The following SYNPO2 variants were observed in gnomAD, a reference collection of about 807,000 sequenced individuals.
SYNPO2 encodes synaptopodin 2, also known as synaptopodin-2.
A neutral mutation model predicts 85.0 loss-of-function variants in SYNPO2; 56 were observed. That is an observed-to-expected ratio of 0.66 (90% CI 0.53 to 0.82). The LOEUF is 0.82. Ranked by LOEUF, SYNPO2 falls within the 40% of genes least tolerant of loss-of-function variation. The probability of loss-of-function intolerance (pLI) is 0.00; values close to 1 mark genes in which losing one functional copy is unlikely to be tolerated. For synonymous variants in SYNPO2, 602 were observed against 591.1 expected (o/e 1.02, Z -0.27); for missense variants, 1,575 against 1,534.2 (o/e 1.03, Z -0.44).
chr4:118,949,305 G>A (rs1372133819), intron 1 of SYNPO2, among the ~76,000 whole-genome samples: 1 of 152,114 alleles, frequency 6.6e-6, no homozygotes, highest in Non-Finnish European at 1.5e-5. Flanking sequence ...GACTCCCTAG[G>A]AAGTAATAAT....
chr4:118,891,193 A>G (rs1459645085), intron 1 of SYNPO2, among the ~76,000 whole-genome samples: 1 of 152,174 alleles, frequency 6.6e-6, no homozygotes, highest in Admixed American at 6.5e-5. Flanking sequence ...ACCCAGCAAT[A>G]CATTTGTGGT....
Position 118,854,973 on chromosome 4 carries a change from A to G in SYNPO2, c.12+4033A>G, listed in dbSNP as rs940865497. 2.0e-5 allele frequency among the ~76,000 whole-genome samples: 3 copies of G among 152,258 alleles called. No homozygotes were observed. The East Asian group carries it at 5.8e-4, about 29-fold the overall frequency. On this transcript the variant is annotated intron_variant, in intron 1 of 4. Coordinates refer to the SYNPO2 transcript ENST00000610556. ...TTTTGTAAATGGAGCTAAGTGTTAT[A>G]TGATAATATCAAACTCACTTGCAAG...
chr4:118,965,720 G>A (rs192552866), intron 1 of SYNPO2, among the ~76,000 whole-genome samples: 273 of 152,234 alleles, frequency 1.8e-3, no homozygotes, highest in African/African-American at 6.2e-3. Flanking sequence ...AAATAAAACC[G>A]TGTACAAGAT....
intron 4 of SYNPO2, among the ~76,000 whole-genome samples, chr4:119,044,906 G>A (rs1432013979): frequency 6.6e-6 from 1 of 152,166 alleles, no homozygotes; most frequent in African/African-American, 2.4e-5. Context: ...TAGTTGCTGT[G>A]TCTTCGTCAT....
chr4:118,990,602 G>T (rs1034077401), intron 1 of SYNPO2, among the ~76,000 whole-genome samples: 3 of 150,076 alleles, frequency 2.0e-5, no homozygotes, highest in Non-Finnish European at 4.4e-5. Flanking sequence ...CTGGATAATT[G>T]GTTTTTGTTT....
chr4:118,947,588 C>T (rs1405244634), intron 1 of SYNPO2, among the ~76,000 whole-genome samples: 2 of 152,174 alleles, frequency 1.3e-5, no homozygotes, highest in East Asian at 1.9e-4. Context: ...CTCTCCCTGT[C>T]GGGGCAGAAT....
rs4833600 is a variant in SYNPO2, at chr4:119,022,707, A to G, written c.106-723A>G. ...TTTTAATTGTATTTTATTTTATTTTATATTTTATTTTATTTTAATTTTATT... is the reference window on the plus strand; with the variant it reads ...TTTTAATTGTATTTTATTTTATTTTGTATTTTATTTTATTTTAATTTTATT... On this transcript the variant is annotated intron_variant, in intron 1 of 4. Transcript: ENST00000307142. 2.9e-5 allele frequency among the ~76,000 whole-genome samples: 3 copies of G among 103,100 alleles called. No individual in the cohort carries two copies. In the Admixed American group the frequency reaches 3.1e-4, roughly 11 times the overall value. 67.6% of individuals were successfully genotyped at this position (103,100 alleles called of 152,430 possible). A position where few individuals can be genotyped will look rare whatever the true frequency, so the allele number is the denominator to read the frequency against.
rs188358245 is a variant in SYNPO2 at position 118,905,148 on chromosome 4, C to T, written c.105+16007C>T. ...AGGTTACTGTGGGTCCCTTCAGCTG[C>T]GGACACAGGACTGAGAGTAGACACA... On this transcript the variant is annotated intron_variant, in intron 1 of 4. Coordinates refer to ENST00000307142, the MANE Select transcript of SYNPO2 (RefSeq NM_133477.3). Among the ~76,000 whole-genome samples, 337 of 152,258 alleles carry T rather than the reference C, an allele frequency of 2.2e-3. 7 individuals are homozygous for T. Among genetic ancestry groups the T allele is most frequent in the East Asian group, 8.5e-3 (44 of 5,186 alleles).
rs533866425 is a variant in SYNPO2, at chr4:119,031,682, G to T, written c.2907G>T (p.Pro969=). 6.2e-7 allele frequency: 1 copy of T among 1,614,162 alleles called. No homozygotes were observed. The highest frequency in any genetic ancestry group is 8.5e-7 in the Non-Finnish European group (1 of 1,180,020). ...CATTAGATGTCATGAAGCACCAACCGTATCAGCTCAATGCATCCTTGTTTA... is the reference window on the plus strand; with the variant it reads ...CATTAGATGTCATGAAGCACCAACCTTATCAGCTCAATGCATCCTTGTTTA... ...LNALDVMKHQ[P]YQLNASLFTF... Residue 969 remains proline (P), a synonymous_variant, in exon 4 of 5, where the codon CCG becomes CCT. Transcript: ENST00000307142.
At chr4:118,909,699 G>A (rs1733068161) in intron 1 of SYNPO2, among the ~76,000 whole-genome samples, 1 of 152,188 alleles carries the variant, frequency 6.6e-6, no homozygotes, top group African/African-American at 2.4e-5. Flanking sequence ...TGTGCATGGA[G>A]GAGCAGAGGG....
chr4:118,884,465 AT>A (rs1732164815), upstream of SYNPO2, among the ~76,000 whole-genome samples: 1 of 152,186 alleles, frequency 6.6e-6, no homozygotes, highest in Non-Finnish European at 1.5e-5. Context: ...AATCTCCTTG[AT>A]TTTGGCTCAG....
chr4:119,023,362 C>A, intron 1 of SYNPO2, 68 bp from the exon 2 acceptor site: 1 of 1,485,466 alleles, frequency 6.7e-7, no homozygotes, highest in Non-Finnish European at 9.0e-7. Context: ...ATTTGTTTCT[C>A]AGAGATGGTG....
At position 119,029,984 on chromosome 4, in the gene SYNPO2, G is replaced by T. The variant is rs142986809; in HGVS notation, c.1209G>T (p.Arg403Ser). The change falls in exon 4 of 5, where the codon AGG becomes AGT. Residue 403 changes from arginine (R) to serine (S), a missense_variant. Physicochemically the swap from Arg to Ser is moderately radical, Grantham distance 110 (BLOSUM62 -1). Around this residue, in one of 3 missense-constraint regions of SYNPO2, gnomAD observed 1,508 missense variants for 1,446.8 expected, o/e 1.04. Coordinates refer to ENST00000307142, the MANE Select transcript of SYNPO2 (RefSeq NM_133477.3). ...GVLMFKKRRR[R>S]ARKYTLVSYG... ...TGATGTTTAAGAAGCGACGTCGGAG[G>T]GCCAGGAAATACACCCTAGTTAGCT... 1 of 1,614,012 alleles carries T rather than the reference G, an allele frequency of 6.2e-7. No individual in the cohort carries two copies. The highest frequency in any genetic ancestry group is 8.5e-7 in the Non-Finnish European group (1 of 1,180,010).
chr4:119,023,451 T>C lies in SYNPO2; in HGVS notation c.127T>C (p.Ser43Pro). ...TCAGATTCGAAATCAGAGCAAAGCC[T>C]CTGGGTCTGGGCTCTGTGAGGGAGA... The part of the protein sequence containing the change: ...VAKIRNQSKA[S>P]GSGLCEGDEV... The change falls in exon 2 of 5, where the codon TCT (serine) becomes CCT (proline). Residue 43 changes from serine (S) to proline (P), a missense_variant. By Grantham distance (74) the Ser-to-Pro change is moderately conservative (BLOSUM62 -1). This residue lies in a region of SYNPO2 where 55 missense variants were observed against 55.5 expected (regional missense o/e 0.99). Transcript: ENST00000307142. The C allele has an allele frequency of 1.2e-6, 2 of 1,612,744 alleles. No homozygotes were observed. Among genetic ancestry groups the C allele is most frequent in the Middle Eastern group, 1.7e-4 (1 of 6,058 alleles).
chr4:118,879,138 C>G (rs1013699074), intron 1 of SYNPO2, among the ~76,000 whole-genome samples: 1 of 152,190 alleles, frequency 6.6e-6, no homozygotes, highest in African/African-American at 2.4e-5. Context: ...AAGGAAGAAA[C>G]TCCCGACACA....
intron 1 of SYNPO2, among the ~76,000 whole-genome samples, chr4:118,966,620 A>T (rs1277395511): frequency 5.9e-5 from 9 of 152,142 alleles, no homozygotes. Flanking sequence ...TAAAAATTTA[A>T]ATTATATAGC....
chr4:119,023,189 C>CT (rs1227907292), intron 1 of SYNPO2, among the ~76,000 whole-genome samples: 1 of 152,048 alleles, frequency 6.6e-6, no homozygotes, highest in Non-Finnish European at 1.5e-5. Flanking sequence ...TATTTACTTT[C>CT]TTTTTTCCTG....
In SYNPO2 at chr4:118,896,146, G is replaced by A. The variant is rs1226074999; in HGVS notation, c.105+7005G>A. Among the ~76,000 whole-genome samples the A allele has an allele frequency of 8.5e-5, 13 of 152,190 alleles. No homozygotes were observed. In the South Asian group the frequency reaches 1.0e-3, roughly 12 times the overall value. On this transcript the variant is annotated intron_variant, in intron 1 of 4. Coordinates refer to ENST00000307142, the MANE Select transcript of SYNPO2 (RefSeq NM_133477.3). ...TCAGCCTGGATAAAAAGAACAGGCT[G>A]TCACTTAGTATTGTTGAAAATTGCA...
intron 1 of SYNPO2, among the ~76,000 whole-genome samples, chr4:118,876,882 C>T (rs1165986062): frequency 6.6e-6 from 1 of 151,716 alleles, no homozygotes. Context: ...CGTTGACCTC[C>T]CAGCCTGAAG....
Sources: allele counts gnomAD v4.1 joint callset (sites outside exome capture counted in the v4.1 genomes callset), GRCh38; gene constraint gnomAD v4.1.1; regional missense constraint gnomAD v4.1.1; transcripts MANE v1.5; gene names NCBI Gene and HGNC (gene_info 2026-07-23, HGNC 2026-07-21).